The following ATL2 variants were observed in gnomAD, a reference collection of about 807,000 sequenced individuals.
The protein encoded by ATL2 is atlastin-2.
ATL2 carries 31 observed loss-of-function variants against 73.9 expected under a neutral mutation model. That is an observed-to-expected ratio of 0.42 (90% confidence interval 0.32 to 0.57). The LOEUF (loss-of-function observed/expected upper bound fraction) is 0.57, where lower values mean the gene tolerates loss of function less well. ATL2 is among the 20% of genes least tolerant of loss of function. ATL2 has a pLI of 0.14. For synonymous variants in ATL2, 291 were observed against 237.5 expected (o/e 1.23, Z -2.07); for missense variants, 738 against 702.6 (o/e 1.05, Z -0.57).
chr2:38,376,196 G>A (rs1189628390), intron 1 of ATL2: 4 of 1,516,480 alleles, frequency 2.6e-6, no homozygotes, highest in South Asian at 1.2e-5. Context: ...TTTCAATCAG[G>A]ATTTCATGCG....
chr2:38,334,655 G>A lies in ATL2; in HGVS notation c.363+8613C>T, dbSNP rs991209008. On this transcript the variant is annotated intron_variant, in intron 2 of 12. Transcript: ENST00000378954. Reference sequence around the variant, plus strand: ...GGAGGTTGCGGTGAGCCAAGATCGCGCCATTGCACTCCAGCCTGGGCAACA... The same window carrying A: ...GGAGGTTGCGGTGAGCCAAGATCGCACCATTGCACTCCAGCCTGGGCAACA... Among the ~76,000 whole-genome samples, 5 of 151,028 alleles carry A rather than the reference G, an allele frequency of 3.3e-5. No homozygotes were observed. In the East Asian group the frequency reaches 7.9e-4, roughly 24 times the overall value.
chr2:38,318,778 T>C (rs1233392215), intron 3 of ATL2, 107 bp downstream of exon 3: 50 of 1,374,002 alleles, frequency 3.6e-5, no homozygotes, highest in Admixed American at 6.6e-5. Context: ...TAATAATCCG[T>C]ATGTTAAAGT....
At chr2:38,296,297 T>C (rs995090763) in intron 12 of ATL2, 184 bp from the exon 13 acceptor site, 1 of 1,440,472 alleles carries the variant, frequency 6.9e-7, no homozygotes, top group African/African-American at 1.4e-5. Context: ...GCAACAAAAA[T>C]TACTTTCCTC....
At chr2:38,329,580 G>C (rs1170134522) in intron 2 of ATL2, among the ~76,000 whole-genome samples, 1 of 151,850 alleles carries the variant, frequency 6.6e-6, no homozygotes, top group Non-Finnish European at 1.5e-5. Flanking sequence ...TAAGCAGAGG[G>C]AATACTTCCT....
intron 2 of ATL2, among the ~76,000 whole-genome samples, chr2:38,325,448 C>T (rs1335041530): frequency 1.3e-5 from 2 of 151,904 alleles, no homozygotes; most frequent in African/African-American, 2.4e-5. Flanking sequence ...CACTAAAAAC[C>T]CTAGAGGCTC....
At chr2:38,346,723 C>T (rs2124421255) in intron 1 of ATL2, among the ~76,000 whole-genome samples, 1 of 152,322 alleles carries the variant, frequency 6.6e-6, no homozygotes, top group Admixed American at 6.5e-5. Context: ...GAAGCTCAGG[C>T]AGTAATGCTC....
At chr2:38,336,059 C>T (rs1304680368) in intron 2 of ATL2, among the ~76,000 whole-genome samples, 1 of 151,956 alleles carries the variant, frequency 6.6e-6, no homozygotes, top group African/African-American at 2.4e-5. Flanking sequence ...ATAAAAAGAC[C>T]CAAGGAAGCA....
chr2:38,367,798 A>G (rs1314603249), intron 1 of ATL2, among the ~76,000 whole-genome samples: 3 of 150,532 alleles, frequency 2.0e-5, no homozygotes, highest in African/African-American at 7.3e-5. Context: ...ATGCCCAGCT[A>G]ATTTTTGTAT....
chr2:38,309,657 G>T, intron 8 of ATL2, 151 bp from the exon 9 acceptor site: 2 of 805,710 alleles, frequency 2.5e-6, no homozygotes, highest in Non-Finnish European at 3.7e-6. Context: ...CATCCAACAT[G>T]CCATATCTCA....
At chr2:38,308,263 C>T (rs963153785) in intron 9 of ATL2, among the ~76,000 whole-genome samples, 1 of 152,156 alleles carries the variant, frequency 6.6e-6, no homozygotes, top group African/African-American at 2.4e-5. Context: ...TGAAGTACTA[C>T]TCATCCATAT....
At chr2:38,306,732 G>A (rs1425572785) in intron 9 of ATL2, among the ~76,000 whole-genome samples, 2 of 152,258 alleles carry the variant, frequency 1.3e-5, no homozygotes, top group East Asian at 1.9e-4. Flanking sequence ...AAAAGGTACA[G>A]AAGAAACAGA....
chr2:38,337,681 A>G (rs1669451216), intron 2 of ATL2, among the ~76,000 whole-genome samples: 1 of 151,888 alleles, frequency 6.6e-6, no homozygotes, highest in East Asian at 1.9e-4. Context: ...AAAATAATAT[A>G]TAAGGTGTAG....
chr2:38,375,168 T>G (rs1347426016), intron 1 of ATL2, among the ~76,000 whole-genome samples: 1 of 152,200 alleles, frequency 6.6e-6, no homozygotes, highest in Non-Finnish European at 1.5e-5. Context: ...TGACCCCAAC[T>G]TGGTTTTTGA....
chr2:38,327,493 A>C (rs1668729547), intron 2 of ATL2, among the ~76,000 whole-genome samples: 1 of 151,330 alleles, frequency 6.6e-6, no homozygotes, highest in South Asian at 2.1e-4. Flanking sequence ...TGTTCAATTA[A>C]AATTGGAGAA....
intron 12 of ATL2, chr2:38,296,502 T>C: frequency 1.2e-6 from 2 of 1,613,540 alleles, no homozygotes; most frequent in Non-Finnish European, 8.5e-7. Flanking sequence ...CTTCTTGTTA[T>C]TGTTGGATGA....
At chr2:38,367,285 A>G (rs897822622) in intron 1 of ATL2, among the ~76,000 whole-genome samples, 1 of 151,916 alleles carries the variant, frequency 6.6e-6, no homozygotes, top group African/African-American at 2.4e-5. Context: ...ATAAAAAGAG[A>G]TACGAATAAA....
At chr2:38,367,538 G>A (rs528818736) in intron 1 of ATL2, among the ~76,000 whole-genome samples, 8 of 130,042 alleles carry the variant, frequency 6.2e-5, no homozygotes, top group South Asian at 2.9e-4. Context: ...CCCGGAAGGC[G>A]GAGCTTGCAG....
intron 1 of ATL2, among the ~76,000 whole-genome samples, chr2:38,348,369 G>C (rs1670145425): frequency 6.6e-6 from 1 of 151,954 alleles, no homozygotes; most frequent in South Asian, 2.1e-4. Flanking sequence ...AGGAGGCTGA[G>C]GGAGGAGAAT....
intron 1 of ATL2, chr2:38,376,452 C>A (rs891733958): frequency 7.5e-5 from 22 of 293,156 alleles, no homozygotes; most frequent in African/African-American, 4.7e-4. Context: ...GTAAACGGCT[C>A]ATAACCCCAG....
Sources: allele counts gnomAD v4.1 joint callset (sites outside exome capture counted in the v4.1 genomes callset), GRCh38; gene constraint gnomAD v4.1.1; transcripts MANE v1.5; gene names NCBI Gene and HGNC (gene_info 2026-07-23, HGNC 2026-07-21).